Variants in FHIT observed in about 807,000 individuals in gnomAD.
FHIT encodes the protein bis(5'-adenosyl)-triphosphatase.
Under a neutral mutation model 17.9 loss-of-function variants are expected in FHIT, and 19 were observed. The observed-to-expected ratio is 1.06, with a 90% CI of 0.74 to 1.56. The LOEUF is 1.56. Ranked by LOEUF, FHIT falls within the 40% of genes most tolerant of loss-of-function variation. The pLI, the probability that FHIT is intolerant of heterozygous loss-of-function variation, is 0.00. For missense variants in FHIT, 248 were observed against 189.2 expected (o/e 1.31, Z -1.82); for synonymous variants, 81 against 69.7 (o/e 1.16, Z -0.81).
At chr3:59,858,545 A>G (rs562047998) in intron 8 of FHIT, among the ~76,000 whole-genome samples, 234 of 151,814 alleles carry the variant, frequency 1.5e-3, no homozygotes, top group Non-Finnish European at 2.0e-3. Flanking sequence ...TCTTTCTTGG[A>G]GAGAAATGAT....
intron 5 of FHIT, among the ~76,000 whole-genome samples, chr3:60,130,887 A>G (rs1052691256): frequency 8.0e-5 from 8 of 99,606 alleles, no homozygotes; most frequent in African/African-American, 3.3e-4. Context: ...ACATGTATAT[A>G]CACACATACA....
intron 3 of FHIT, among the ~76,000 whole-genome samples, chr3:61,014,807 A>AAAAAAAAAAAAATT (rs1553798839): frequency 2.0e-5 from 1 of 49,102 alleles, no homozygotes; most frequent in African/African-American, 5.4e-5. Flanking sequence ...AAAAAAAAAA[A>AAAAAAAAAAAAATT]ATATATATAT....
chr3:60,573,462 C>T (rs1196892305), intron 4 of FHIT, among the ~76,000 whole-genome samples: 1 of 152,156 alleles, frequency 6.6e-6, no homozygotes, highest in Non-Finnish European at 1.5e-5. Context: ...AGGAGAGTCT[C>T]AAGTGCTGTG....
At chr3:60,656,311 C>CAA (rs1247584553) in intron 4 of FHIT, among the ~76,000 whole-genome samples, 1 of 152,112 alleles carries the variant, frequency 6.6e-6, no homozygotes, top group African/African-American at 2.4e-5. Flanking sequence ...TAATGCAAAT[C>CAA]ATCATTTTGT....
At chr3:60,060,567 A>C (rs1702256825) in intron 5 of FHIT, among the ~76,000 whole-genome samples, 1 of 152,248 alleles carries the variant, frequency 6.6e-6, no homozygotes, top group Non-Finnish European at 1.5e-5. Context: ...AGTTTCTCCT[A>C]AAAGTATACT....
chr3:60,090,666 T>A (rs192890271), intron 5 of FHIT, among the ~76,000 whole-genome samples: 2 of 152,170 alleles, frequency 1.3e-5, no homozygotes, highest in Admixed American at 6.5e-5. Flanking sequence ...TAGAGTGACA[T>A]GCTGGGGTCT....
intron 4 of FHIT, among the ~76,000 whole-genome samples, chr3:60,609,838 T>C (rs1328144117): frequency 1.3e-5 from 2 of 152,156 alleles, no homozygotes; most frequent in African/African-American, 2.4e-5. Context: ...GTTCCTGCTA[T>C]CTCAACAATA....
At position 60,474,553 on chromosome 3, in the gene FHIT, T is replaced by C. The variant is rs966360106; in HGVS notation, c.103+62307A>G. ...AATAATTAGGCAAGAAATCATTAACTACATTTTCAAAACAGTAGAAGTAAA... is the reference window on the plus strand; with the variant it reads ...AATAATTAGGCAAGAAATCATTAACCACATTTTCAAAACAGTAGAAGTAAA... On this transcript the variant is annotated intron_variant, in intron 5 of 9. Coordinates refer to ENST00000492590, the MANE Select transcript of FHIT (RefSeq NM_002012.4). 4.6e-5 allele frequency among the ~76,000 whole-genome samples: 7 copies of C among 152,316 alleles called. No individual in the cohort carries two copies. In the East Asian group the frequency reaches 5.8e-4, roughly 13 times the overall value.
chr3:60,842,639 A>ATTTTTTTTTTTT (rs1702771249), intron 3 of FHIT, among the ~76,000 whole-genome samples: 4 of 43,408 alleles, frequency 9.2e-5, no homozygotes, highest in Admixed American at 3.0e-4. Flanking sequence ...GTATATATAT[A>ATTTTTTTTTTTT]TATATATTTT....
At chr3:60,095,638 A>T (rs1703914078) in intron 5 of FHIT, among the ~76,000 whole-genome samples, 1 of 152,210 alleles carries the variant, frequency 6.6e-6, no homozygotes, top group South Asian at 2.1e-4. Context: ...GAAGGGACTG[A>T]ATCCGGTTCT....
chr3:61,077,812 G>C (rs2035017088), intron 2 of FHIT, among the ~76,000 whole-genome samples: 1 of 152,038 alleles, frequency 6.6e-6, no homozygotes, highest in Non-Finnish European at 1.5e-5. Flanking sequence ...CACTATCTTT[G>C]TTGATTCCTA....
intron 7 of FHIT, among the ~76,000 whole-genome samples, chr3:59,982,340 T>G (rs1049290319): frequency 6.6e-6 from 1 of 152,158 alleles, no homozygotes; most frequent in Non-Finnish European, 1.5e-5. Context: ...CAAGAAACTT[T>G]TGAGATTCCA....
chr3:61,158,534 T>C (rs2037597269), intron 2 of FHIT, among the ~76,000 whole-genome samples: 2 of 152,202 alleles, frequency 1.3e-5, no homozygotes, highest in South Asian at 4.1e-4. Flanking sequence ...GCAGTCCTTG[T>C]ACCCCTACTT....
chr3:60,624,374 G>GA (rs1187874225), intron 4 of FHIT, among the ~76,000 whole-genome samples: 1 of 152,182 alleles, frequency 6.6e-6, no homozygotes, highest in Non-Finnish European at 1.5e-5. Flanking sequence ...ATGAAGTTTA[G>GA]AAAAATCCCT....
intron 2 of FHIT, among the ~76,000 whole-genome samples, chr3:61,149,051 G>C (rs749774278): frequency 6.6e-6 from 1 of 152,206 alleles, no homozygotes; most frequent in Non-Finnish European, 1.5e-5. Flanking sequence ...ACGTTTAACT[G>C]AAAGTATAGT....
intron 4 of FHIT, among the ~76,000 whole-genome samples, chr3:60,612,008 C>T (rs782719695): frequency 3.9e-5 from 6 of 152,138 alleles, no homozygotes; most frequent in Non-Finnish European, 5.9e-5. Context: ...CAGGATGTCC[C>T]ATTCCTCACC....
intron 3 of FHIT, among the ~76,000 whole-genome samples, chr3:60,965,960 C>G (rs1228385878): frequency 6.6e-6 from 1 of 152,214 alleles, no homozygotes; most frequent in African/African-American, 2.4e-5. Flanking sequence ...CTACTCTCTT[C>G]AAAGCTGTCA....
At chr3:60,260,667 G>C (rs1220175594) in intron 5 of FHIT, among the ~76,000 whole-genome samples, 1 of 151,970 alleles carries the variant, frequency 6.6e-6, no homozygotes, top group African/African-American at 2.4e-5. Context: ...TAGCGGCTGG[G>C]TAAAATAAGG....
intron 2 of FHIT, among the ~76,000 whole-genome samples, chr3:61,163,455 G>A (rs2037752987): frequency 6.6e-6 from 1 of 152,090 alleles, no homozygotes; most frequent in Admixed American, 6.6e-5. Flanking sequence ...TGGGGTTCTT[G>A]ACACACTACC....
Sources: gnomAD v4.1 joint callset for allele counts (sites outside exome capture counted in the v4.1 genomes callset) on GRCh38, gnomAD v4.1.1 for gene constraint, MANE v1.5 for transcripts, NCBI Gene and HGNC (gene_info 2026-07-23, HGNC 2026-07-21) for gene names.